Variants in POSTN observed in about 807,000 individuals in gnomAD.
POSTN encodes the protein periostin.
In POSTN, 71 loss-of-function variants were observed where a neutral mutation model predicts 104.5. The ratio of observed to expected loss-of-function variants is 0.68; its 90% confidence interval spans 0.56 to 0.83. The LOEUF (loss-of-function observed/expected upper bound fraction) is 0.83, where lower values mean the gene tolerates loss of function less well. Ranked by LOEUF, POSTN falls within the 40% of genes least tolerant of loss-of-function variation. POSTN has a pLI of 0.00. For synonymous variants in POSTN, 355 were observed against 340.7 expected, an observed-to-expected ratio of 1.04 and a Z score of -0.46; for missense variants, 949 against 1,006.8, an observed-to-expected ratio of 0.94 and a Z score of 0.78.
intron 21 of POSTN, among the ~76,000 whole-genome samples, chr13:37,566,717 C>T (rs185706226): frequency 6.6e-5 from 10 of 152,176 alleles, no homozygotes; most frequent in South Asian, 2.1e-4. Flanking sequence ...TTGTTCCTTT[C>T]GACATAGTCT....
In POSTN at chr13:37,594,938, T is replaced by C. The variant is rs189295419; in HGVS notation, c.218+2246A>G. Among the ~76,000 whole-genome samples, 36 of 152,158 alleles carry C rather than the reference T, an allele frequency of 2.4e-4. No individual in the cohort carries two copies. In the East Asian group the frequency reaches 7.0e-3, roughly 29 times the overall value. On this transcript the variant is annotated intron_variant, in intron 2 of 22. Transcript: ENST00000379747. ...TTATTTCAGTGCCCAGACGTAACTA[T>C]GTTTTTGAAAATGAATCTACTTTAG...
chr13:37,587,345 G>T (rs1950778881), intron 5 of POSTN, among the ~76,000 whole-genome samples: 3 of 152,092 alleles, frequency 2.0e-5, no homozygotes, highest in African/African-American at 2.4e-5. Context: ...TACATTACAA[G>T]AACTTCCTAA....
chr13:37,598,266 T>A (rs1415653020), intron 1 of POSTN, among the ~76,000 whole-genome samples: 1 of 152,122 alleles, frequency 6.6e-6, no homozygotes, highest in Non-Finnish European at 1.5e-5. Context: ...ATAGATTTTT[T>A]AATTTTGAAA....
chr13:37,572,314 G>A (rs908001671), intron 17 of POSTN, among the ~76,000 whole-genome samples: 15 of 148,316 alleles, frequency 1.0e-4, no homozygotes, highest in African/African-American at 3.8e-4. Flanking sequence ...AATTGTCAAT[G>A]TACATGATTA....
intron 7 of POSTN, among the ~76,000 whole-genome samples, chr13:37,585,878 C>A (rs1950727820): frequency 6.6e-6 from 1 of 152,166 alleles, no homozygotes; most frequent in Non-Finnish European, 1.5e-5. Context: ...CTTTCCAACA[C>A]CTGCTAATCC....
At chr13:37,589,297 A>G (rs192283965) in intron 4 of POSTN, among the ~76,000 whole-genome samples, 9 of 152,314 alleles carry the variant, frequency 5.9e-5, no homozygotes, top group South Asian at 4.1e-4. Flanking sequence ...TAAAGAGCAG[A>G]GTCAAGTGCT....
chr13:37,593,066 A>G (rs936491214), intron 2 of POSTN, among the ~76,000 whole-genome samples: 4 of 150,858 alleles, frequency 2.7e-5, no homozygotes, highest in African/African-American at 9.7e-5. Flanking sequence ...AAATAATCTA[A>G]GTAAGTTTAT....
intron 9 of POSTN, 38 bp from the exon 10 acceptor site, chr13:37,582,552 T>C (rs1950625601): frequency 6.5e-7 from 1 of 1,533,156 alleles, no homozygotes; most frequent in African/African-American, 1.4e-5. Context: ...ATTATTTTAT[T>C]TAGAAAACAT....
intron 16 of POSTN, among the ~76,000 whole-genome samples, chr13:37,576,501 T>C (rs186675884): frequency 6.6e-6 from 1 of 152,240 alleles, no homozygotes; most frequent in Non-Finnish European, 1.5e-5. Context: ...AATTATATTT[T>C]TGCTCATTGT....
At chr13:37,583,541 C>A (rs1950662358) in intron 9 of POSTN, among the ~76,000 whole-genome samples, 1 of 149,028 alleles carries the variant, frequency 6.7e-6, no homozygotes, top group African/African-American at 2.5e-5. Flanking sequence ...TCTCCTGCCT[C>A]AGCCTCCCGA....
At position 37,564,525 on chromosome 13, in the gene POSTN, C is replaced by CT; in HGVS notation, c.2466dup (p.Val823SerfsTer5). On this transcript the variant is annotated frameshift_variant, in exon 22 of 23. Coordinates refer to ENST00000379747, the MANE Select transcript of POSTN (RefSeq NM_006475.3). LOFTEE classifies it high-confidence loss of function. Reference sequence around the variant, plus strand: ...CTATAGCCAATACACTTACCTTGAACTTTTTTGTTGGCTTGCAACTTCCTC... The same window carrying CT: ...CTATAGCCAATACACTTACCTTGAACTTTTTTTGTTGGCTTGCAACTTCCTC... The CT allele has an allele frequency of 6.3e-7, 1 of 1,596,582 alleles. No individual in the cohort carries two copies. The highest frequency in any genetic ancestry group is 8.6e-7 in the Non-Finnish European group (1 of 1,166,190).
intron 15 of POSTN, among the ~76,000 whole-genome samples, chr13:37,578,337 G>C (rs1950474680): frequency 6.6e-6 from 1 of 151,996 alleles, no homozygotes; most frequent in Non-Finnish European, 1.5e-5. Flanking sequence ...ATAGATATTT[G>C]TTGAACAAAA....
intron 2 of POSTN, among the ~76,000 whole-genome samples, chr13:37,595,824 T>C (rs1248924667): frequency 6.6e-6 from 1 of 151,468 alleles, no homozygotes; most frequent in Non-Finnish European, 1.5e-5. Flanking sequence ...TTTTTTTTTT[T>C]TTTTGAGACA....
At chr13:37,587,795 A>T in intron 5 of POSTN, 27 bp downstream of exon 5, 1 of 1,473,614 alleles carries the variant, frequency 6.8e-7, no homozygotes, top group Non-Finnish European at 9.3e-7. Context: ...ATTTTTCATA[A>T]GTGTACTTTT....
chr13:37,566,643 G>T (rs1188299243), intron 21 of POSTN, among the ~76,000 whole-genome samples: 2 of 152,138 alleles, frequency 1.3e-5, no homozygotes, highest in Non-Finnish European at 2.9e-5. Flanking sequence ...CTCTATAGAG[G>T]TTACAAATCT....
intron 2 of POSTN, among the ~76,000 whole-genome samples, chr13:37,595,047 A>ATTTTTT (rs34055085): frequency 6.9e-6 from 1 of 144,398 alleles, no homozygotes; most frequent in African/African-American, 2.5e-5. Context: ...CAAAGTAGTG[A>ATTTTTT]TTTTTTTTTT....
At chr13:37,567,216 A>T (rs181206576) in intron 21 of POSTN, among the ~76,000 whole-genome samples, 3,709 of 86,374 alleles carry the variant, frequency 0.043, 88 homozygotes, top group Non-Finnish European at 0.062. Context: ...AGCCTGGGCG[A>T]CAGAGCGAGA....
At position 37,589,472 on chromosome 13, in the gene POSTN, A is replaced by G. The variant is rs911497359; in HGVS notation, c.441+900T>C. ...ATTAACTCGTCATTTAGCATTAGGT[A>G]TATCTCCTAATGCTATCCCTCCCCC... On this transcript the variant is annotated intron_variant, in intron 4 of 22. Coordinates refer to ENST00000379747, the MANE Select transcript of POSTN (RefSeq NM_006475.3). 9.2e-5 allele frequency among the ~76,000 whole-genome samples: 14 copies of G among 152,100 alleles called. 1 individual carries two copies. The highest frequency in any genetic ancestry group is 2.0e-4 in the Admixed American group (3 of 15,266).
intron 21 of POSTN, among the ~76,000 whole-genome samples, chr13:37,567,658 G>T (rs1280318972): frequency 1.3e-5 from 2 of 151,900 alleles, no homozygotes; most frequent in African/African-American, 4.8e-5. Context: ...TGTGAAAACC[G>T]ATGCCTTACA....
Sources: gnomAD v4.1 joint callset for allele counts (sites outside exome capture counted in the v4.1 genomes callset) on GRCh38, gnomAD v4.1.1 for gene constraint, MANE v1.5 for transcripts, NCBI Gene and HGNC (gene_info 2026-07-23, HGNC 2026-07-21) for gene names.